Variants in CSMD1 observed in about 807,000 individuals in gnomAD.
CSMD1 encodes CUB and sushi domain-containing protein 1.
Under a neutral mutation model 417.5 loss-of-function variants are expected in CSMD1, and 213 were observed. The observed-to-expected ratio is 0.51, with a 90% CI of 0.46 to 0.57. The LOEUF (loss-of-function observed/expected upper bound fraction) is 0.57. Ranked by LOEUF, CSMD1 falls within the 20% of genes least tolerant of loss-of-function variation. CSMD1 has a pLI of 0.00. For missense variants in CSMD1, 6,923 were observed against 4,529.7 expected (o/e 1.53, Z -15.17); for synonymous variants, 2,862 against 1,736.8 (o/e 1.65, Z -16.11).
At chr8:4,899,784 A>T (rs1000414389) in intron 1 of CSMD1, among the ~76,000 whole-genome samples, 1 of 152,204 alleles carries the variant, frequency 6.6e-6, no homozygotes, top group Non-Finnish European at 1.5e-5. Flanking sequence ...ATCTTCCAAG[A>T]GGATACAAGC....
intron 1 of CSMD1, among the ~76,000 whole-genome samples, chr8:4,940,277 T>G (rs1318690480): frequency 6.6e-6 from 1 of 152,094 alleles, no homozygotes; most frequent in Non-Finnish European, 1.5e-5. Context: ...GTCCATTGAG[T>G]GGAAAATGCA....
At chr8:4,381,528 G>T (rs894664713) in intron 3 of CSMD1, among the ~76,000 whole-genome samples, 8 of 152,104 alleles carry the variant, frequency 5.3e-5, no homozygotes, top group African/African-American at 1.9e-4. Flanking sequence ...TTATATTGAG[G>T]TTGGTAGGGA....
intron 1 of CSMD1, among the ~76,000 whole-genome samples, chr8:4,753,465 G>C (rs1811475953): frequency 6.7e-6 from 1 of 150,244 alleles, no homozygotes. Flanking sequence ...ACACTCCTTT[G>C]TGTCTTATGA....
At chr8:3,728,019 G>C (rs1288094755) in intron 6 of CSMD1, among the ~76,000 whole-genome samples, 1 of 152,188 alleles carries the variant, frequency 6.6e-6, no homozygotes, top group Non-Finnish European at 1.5e-5. Flanking sequence ...ACAACAGTGT[G>C]ACTGTATTCA....
intron 1 of CSMD1, among the ~76,000 whole-genome samples, chr8:4,885,117 A>C (rs1351067710): frequency 6.6e-6 from 1 of 152,096 alleles, no homozygotes; most frequent in Non-Finnish European, 1.5e-5. Flanking sequence ...TGGTATTCTT[A>C]ATTTTATTTG....
intron 1 of CSMD1, among the ~76,000 whole-genome samples, chr8:4,697,129 G>A (rs963003055): frequency 1.1e-4 from 16 of 152,094 alleles, no homozygotes; most frequent in South Asian, 6.2e-4. Flanking sequence ...CCGAGATCGC[G>A]CCACTGCACT....
intron 1 of CSMD1, among the ~76,000 whole-genome samples, chr8:4,856,867 A>T (rs1006653477): frequency 6.6e-6 from 1 of 152,102 alleles, no homozygotes; most frequent in Non-Finnish European, 1.5e-5. Context: ...CGAGACAGAA[A>T]GTCAACAAGG....
At chr8:4,296,161 A>G (rs1797669893) in intron 3 of CSMD1, among the ~76,000 whole-genome samples, 2 of 152,070 alleles carry the variant, frequency 1.3e-5, no homozygotes, top group African/African-American at 4.8e-5. Context: ...TGGTCAAACT[A>G]TGCTCAGGGT....
chr8:3,868,514 A>G (rs1407105191), intron 5 of CSMD1, among the ~76,000 whole-genome samples: 1 of 151,958 alleles, frequency 6.6e-6, no homozygotes, highest in African/African-American at 2.4e-5. Flanking sequence ...ACTTACCAAC[A>G]CCACCAATTC....
chr8:4,118,077 G>A (rs757323252), intron 3 of CSMD1, among the ~76,000 whole-genome samples: 5 of 152,034 alleles, frequency 3.3e-5, no homozygotes, highest in Non-Finnish European at 5.9e-5. Flanking sequence ...TCGGCCATAT[G>A]ATTAGACAAA....
intron 12 of CSMD1, among the ~76,000 whole-genome samples, chr8:3,411,845 TGC>T (rs1491440162): frequency 8.0e-5 from 7 of 87,642 alleles, no homozygotes; most frequent in East Asian, 6.0e-4. Flanking sequence ...CACGTATATA[TGC>T]ACGTATATAT....
chr8:3,169,650 T>C (rs998764195), intron 37 of CSMD1, among the ~76,000 whole-genome samples: 20 of 152,194 alleles, frequency 1.3e-4, no homozygotes, highest in Admixed American at 9.8e-4. Flanking sequence ...GTTAACATGA[T>C]GTCATGTTAT....
chr8:4,322,688 G>A (rs1051737306), intron 3 of CSMD1, among the ~76,000 whole-genome samples: 1 of 152,148 alleles, frequency 6.6e-6, no homozygotes, highest in African/African-American at 2.4e-5. Flanking sequence ...TCAAAGAGAT[G>A]GTGACAAGGT....
At chr8:4,272,313 C>T (rs1804654849) in intron 3 of CSMD1, among the ~76,000 whole-genome samples, 1 of 152,112 alleles carries the variant, frequency 6.6e-6, no homozygotes, top group South Asian at 2.1e-4. Flanking sequence ...TTGCCAATGT[C>T]ATAACAAAAC....
chr8:4,540,521 G>A (rs551839543), intron 2 of CSMD1, among the ~76,000 whole-genome samples: 2 of 152,234 alleles, frequency 1.3e-5, no homozygotes, highest in South Asian at 4.1e-4. Flanking sequence ...CTGGGCAACA[G>A]AGCGAGACCT....
chr8:3,374,827 C>T (rs1810204602), intron 18 of CSMD1, among the ~76,000 whole-genome samples: 1 of 152,156 alleles, frequency 6.6e-6, no homozygotes, highest in Non-Finnish European at 1.5e-5. Flanking sequence ...GTCTTCCCAC[C>T]ACCCGCACCA....
intron 5 of CSMD1, among the ~76,000 whole-genome samples, chr8:3,926,446 A>C (rs2129147045): frequency 6.6e-6 from 1 of 152,156 alleles, no homozygotes; most frequent in Non-Finnish European, 1.5e-5. Context: ...TCTGTTATAA[A>C]TATTTGTTGA....
intron 7 of CSMD1, among the ~76,000 whole-genome samples, chr8:3,681,826 C>A (rs1403924896): frequency 6.6e-6 from 1 of 152,194 alleles, no homozygotes; most frequent in Non-Finnish European, 1.5e-5. Flanking sequence ...CAGCATGGTA[C>A]TGGTACCAAA....
chr8:4,178,085 C>G (rs1031628749), intron 3 of CSMD1, among the ~76,000 whole-genome samples: 3 of 152,154 alleles, frequency 2.0e-5, no homozygotes, highest in African/African-American at 7.2e-5. Flanking sequence ...TTTTATGAGG[C>G]CAGCATCATC....
Sources: gnomAD v4.1 joint callset for allele counts (sites outside exome capture counted in the v4.1 genomes callset) on GRCh38, gnomAD v4.1.1 for gene constraint, MANE v1.5 for transcripts, NCBI Gene and HGNC (gene_info 2026-07-23, HGNC 2026-07-21) for gene names.